Variants in PTPRO observed in about 807,000 individuals in gnomAD.
PTPRO encodes receptor-type tyrosine-protein phosphatase O.
PTPRO carries 62 observed loss-of-function variants against 145.2 expected under a neutral mutation model. The observed-to-expected ratio is 0.43, with a 90% CI of 0.35 to 0.53. The LOEUF (loss-of-function observed/expected upper bound fraction) is 0.53, where lower values mean the gene tolerates loss of function less well. PTPRO is among the 20% of genes least tolerant of loss of function. The probability of loss-of-function intolerance (pLI) is 0.01; values close to 1 mark genes in which losing one functional copy is unlikely to be tolerated. For synonymous variants in PTPRO, 565 were observed against 514.7 expected (o/e 1.10, Z -1.32); for missense variants, 1,345 against 1,482.7 (o/e 0.91, Z 1.53).
At chr12:15,484,366 G>A (rs1258830503) in intron 2 of PTPRO, 119 bp downstream of exon 2, 3 of 1,106,762 alleles carry the variant, frequency 2.7e-6, no homozygotes, top group African/African-American at 3.1e-5. Flanking sequence ...AATGCCAAGT[G>A]ACGTAGATTC....
At chr12:15,427,568 T>C (rs1940318191) in intron 1 of PTPRO, among the ~76,000 whole-genome samples, 1 of 151,776 alleles carries the variant, frequency 6.6e-6, no homozygotes, top group South Asian at 2.1e-4. Context: ...TTTGCAAAGT[T>C]TATACATTTT....
intron 2 of PTPRO, 137 bp downstream of exon 2, chr12:15,484,384 T>C: frequency 1.1e-6 from 1 of 940,346 alleles, no homozygotes; most frequent in Non-Finnish European, 1.6e-6. Context: ...TTCAAAGTTA[T>C]GAGCTATATT....
chr12:15,360,798 G>A (rs537875397), intron 1 of PTPRO, among the ~76,000 whole-genome samples: 1 of 146,974 alleles, frequency 6.8e-6, no homozygotes, highest in South Asian at 2.2e-4. Context: ...GTGTATATGT[G>A]TGTATATATA....
chr12:15,501,875 C>T lies in PTPRO; in HGVS notation c.917C>T (p.Ala306Val), dbSNP rs1371645084. The T allele has an allele frequency of 6.2e-7, 1 of 1,614,102 alleles. No homozygotes were observed. The highest frequency in any genetic ancestry group is 8.5e-7 in the Non-Finnish European group (1 of 1,180,008). ...QPYWWDSASA[A>V]PESEDEFVSV... ...TATTGGTGGGACAGTGCATCTGCAG[C>T]TCCTGAAAGTGAAGATGAATTTGTC... The change falls in exon 5 of 27, where the codon GCT (alanine) becomes GTT (valine). Residue 306 changes from alanine to valine, a missense_variant. Around this residue, in one of 3 missense-constraint regions of PTPRO, gnomAD observed 1,130 missense variants for 1,214.7 expected, o/e 0.93. Transcript: ENST00000281171.
At chr12:15,365,460 G>C (rs1033686979) in intron 1 of PTPRO, among the ~76,000 whole-genome samples, 1 of 151,610 alleles carries the variant, frequency 6.6e-6, no homozygotes, top group Non-Finnish European at 1.5e-5. Flanking sequence ...ATCAATAAAG[G>C]GTATATTTTA....
At chr12:15,369,216 G>A (rs1391793086) in intron 1 of PTPRO, among the ~76,000 whole-genome samples, 1 of 152,130 alleles carries the variant, frequency 6.6e-6, no homozygotes, top group Admixed American at 6.5e-5. Context: ...GGAACAAGAA[G>A]GAACGATTTC....
intron 1 of PTPRO, among the ~76,000 whole-genome samples, chr12:15,397,888 G>A (rs1364428429): frequency 6.6e-6 from 1 of 151,640 alleles, no homozygotes; most frequent in Admixed American, 6.5e-5. Context: ...CCTTATGGAA[G>A]TTGGGGATAT....
chr12:15,427,742 T>A (rs7980202), intron 1 of PTPRO, among the ~76,000 whole-genome samples: 19 of 151,998 alleles, frequency 1.3e-4, no homozygotes, highest in African/African-American at 4.6e-4. Context: ...AGTTTAGCTA[T>A]CATGGTTTTA....
At chr12:15,372,352 A>G (rs982137423) in intron 1 of PTPRO, among the ~76,000 whole-genome samples, 35 of 152,274 alleles carry the variant, frequency 2.3e-4, no homozygotes, top group African/African-American at 7.9e-4. Flanking sequence ...AACCACTTAT[A>G]TGGTATCTCT....
At chr12:15,443,056 T>C (rs569937357) in intron 1 of PTPRO, among the ~76,000 whole-genome samples, 3 of 152,184 alleles carry the variant, frequency 2.0e-5, no homozygotes, top group South Asian at 2.1e-4. Context: ...AGGCATCACA[T>C]TACACAACTT....
intron 1 of PTPRO, among the ~76,000 whole-genome samples, chr12:15,333,304 T>C (rs1206230249): frequency 6.6e-6 from 1 of 152,242 alleles, no homozygotes; most frequent in Admixed American, 6.5e-5. Context: ...AGCTTCTTTT[T>C]CTTCAGAGAA....
intron 1 of PTPRO, among the ~76,000 whole-genome samples, chr12:15,466,767 G>C (rs529995552): frequency 6.6e-6 from 1 of 151,910 alleles, no homozygotes; most frequent in South Asian, 2.1e-4. Flanking sequence ...AGCCCTATTT[G>C]TCTTTAAATC....
At chr12:15,435,322 T>A (rs1301921178) in intron 1 of PTPRO, among the ~76,000 whole-genome samples, 2 of 152,250 alleles carry the variant, frequency 1.3e-5, no homozygotes, top group African/African-American at 4.8e-5. Context: ...AATTTTCATA[T>A]GTATTGAAAA....
intron 12 of PTPRO, among the ~76,000 whole-genome samples, chr12:15,536,852 C>A (rs1943075761): frequency 6.6e-6 from 1 of 152,120 alleles, no homozygotes; most frequent in Non-Finnish European, 1.5e-5. Flanking sequence ...ATTACATGGT[C>A]ACCTTAAAGT....
chr12:15,573,996 AACTTGT>A (rs1944120031), intron 19 of PTPRO, among the ~76,000 whole-genome samples: 2 of 152,212 alleles, frequency 1.3e-5, no homozygotes, highest in Non-Finnish European at 2.9e-5. Flanking sequence ...CCAGCAGCTG[AACTTGT>A]ACTTGTTCTG....
At chr12:15,418,413 C>T (rs1254963927) in intron 1 of PTPRO, among the ~76,000 whole-genome samples, 2 of 151,774 alleles carry the variant, frequency 1.3e-5, no homozygotes, top group Non-Finnish European at 2.9e-5. Flanking sequence ...GCTCAACTCT[C>T]ATTGTTTACC....
intron 8 of PTPRO, 124 bp from the exon 9 acceptor site, chr12:15,516,627 AAGGAAGGAAGGG>A: frequency 1.4e-6 from 1 of 727,136 alleles, no homozygotes; most frequent in Non-Finnish European, 2.3e-6. Flanking sequence ...GGAAGGAAGG[AAGGAAGGAAGGG>A]AGGGAGGGAG....
chr12:15,553,912 G>A (rs1943542793), intron 15 of PTPRO, among the ~76,000 whole-genome samples: 1 of 152,068 alleles, frequency 6.6e-6, no homozygotes. Flanking sequence ...GATATGGAAT[G>A]GAAATGAAAA....
intron 12 of PTPRO, among the ~76,000 whole-genome samples, chr12:15,533,466 C>A (rs1943002988): frequency 6.6e-6 from 1 of 152,126 alleles, no homozygotes; most frequent in South Asian, 2.1e-4. Context: ...TAAGCCCTTT[C>A]CATTTTATAT....
Sources: gnomAD v4.1 joint callset for allele counts (sites outside exome capture counted in the v4.1 genomes callset) on GRCh38, gnomAD v4.1.1 for gene constraint, gnomAD v4.1.1 regional missense constraint, MANE v1.5 for transcripts, NCBI Gene and HGNC (gene_info 2026-07-23, HGNC 2026-07-21) for gene names.